SDK1: variants seen among roughly 807,000 people sequenced by gnomAD.
SDK1 encodes sidekick cell adhesion molecule 1.
SDK1 carries 157 observed loss-of-function variants against 245.5 expected under a neutral mutation model. That is an observed-to-expected ratio of 0.64 (90% CI 0.56 to 0.73). The LOEUF (loss-of-function observed/expected upper bound fraction) is 0.73, where lower values mean the gene tolerates loss of function less well. Among genes scored for constraint, SDK1 ranks in the 30% least tolerant of loss-of-function variants. The probability of loss-of-function intolerance (pLI) is 0.00; values close to 1 mark genes in which losing one functional copy is unlikely to be tolerated. For synonymous variants in SDK1, 1,647 were observed against 1,278.5 expected (o/e 1.29, Z -6.15); for missense variants, 3,583 against 3,002.3 (o/e 1.19, Z -4.52).
intron 1 of SDK1, among the ~76,000 whole-genome samples, chr7:3,346,229 C>T (rs535117768): frequency 1.3e-5 from 2 of 152,180 alleles, no homozygotes; most frequent in Admixed American, 1.3e-4. Context: ...ATGTGGGCAC[C>T]AGCGAGAAGA....
chr7:3,579,883 C>G (rs902283865), intron 1 of SDK1, among the ~76,000 whole-genome samples: 16 of 152,188 alleles, frequency 1.1e-4, no homozygotes, highest in Non-Finnish European at 2.1e-4. Flanking sequence ...CCAGAGGTGC[C>G]TTGGGTGAGT....
At chr7:3,655,405 C>A (rs1329513043) in intron 4 of SDK1, among the ~76,000 whole-genome samples, 19 of 138,728 alleles carry the variant, frequency 1.4e-4, no homozygotes, top group Non-Finnish European at 2.7e-4. Context: ...TGCTCTCCAG[C>A]CTGGGCAACA....
intron 38 of SDK1, among the ~76,000 whole-genome samples, chr7:4,210,779 G>A (rs560013437): frequency 6.6e-5 from 10 of 152,218 alleles, no homozygotes; most frequent in East Asian, 1.9e-4. Flanking sequence ...GCTTTCCTGC[G>A]TCCAGGCAGT....
At chr7:3,741,246 C>A (rs1218553740) in intron 4 of SDK1, among the ~76,000 whole-genome samples, 1 of 152,150 alleles carries the variant, frequency 6.6e-6, no homozygotes, top group South Asian at 2.1e-4. Context: ...TTGAGTTTTT[C>A]CAGCCAATTT....
At chr7:3,760,313 A>G (rs997568682) in intron 4 of SDK1, among the ~76,000 whole-genome samples, 1 of 152,186 alleles carries the variant, frequency 6.6e-6, no homozygotes, top group African/African-American at 2.4e-5. Flanking sequence ...GGGTGCACAC[A>G]ATTACCAACC....
intron 1 of SDK1, among the ~76,000 whole-genome samples, chr7:3,592,197 C>T (rs1780898935): frequency 6.6e-6 from 1 of 152,142 alleles, no homozygotes; most frequent in Non-Finnish European, 1.5e-5. Context: ...CTCCTCAAGT[C>T]ATTATAAGAA....
At chr7:4,237,553 C>T (rs1786248337) in intron 41 of SDK1, 94 bp from the exon 42 acceptor site, 5 of 1,449,728 alleles carry the variant, frequency 3.4e-6, no homozygotes, top group Admixed American at 3.4e-5. Context: ...GAGTTATCTA[C>T]CCCAGCCTTC....
intron 19 of SDK1, among the ~76,000 whole-genome samples, chr7:4,055,686 G>T (rs1329550268): frequency 6.6e-6 from 1 of 151,312 alleles, no homozygotes; most frequent in African/African-American, 2.4e-5. Context: ...AGTGTATTTT[G>T]CTCTCCCTTT....
At chr7:3,674,250 A>G (rs540456008) in intron 4 of SDK1, among the ~76,000 whole-genome samples, 30 of 152,296 alleles carry the variant, frequency 2.0e-4, no homozygotes, top group Non-Finnish European at 4.0e-4. Context: ...ACGACATGAG[A>G]TTCAGTGTTA....
At chr7:3,627,196 T>G (rs1165889720) in intron 2 of SDK1, among the ~76,000 whole-genome samples, 1 of 152,164 alleles carries the variant, frequency 6.6e-6, no homozygotes, top group South Asian at 2.1e-4. Flanking sequence ...CCCCAAGTGC[T>G]GAGATTACAG....
chr7:3,775,370 C>T (rs956117856), intron 4 of SDK1, among the ~76,000 whole-genome samples: 6 of 152,016 alleles, frequency 3.9e-5, no homozygotes, highest in Admixed American at 2.0e-4. Context: ...TTACCTGTAG[C>T]AGATTGTGGC....
At chr7:3,935,866 A>G (rs1780142019) in intron 5 of SDK1, among the ~76,000 whole-genome samples, 1 of 152,232 alleles carries the variant, frequency 6.6e-6, no homozygotes, top group African/African-American at 2.4e-5. Flanking sequence ...AGGTTACCGT[A>G]TGGTCTAGCA....
chr7:3,680,693 A>G (rs750351818), intron 4 of SDK1, among the ~76,000 whole-genome samples: 1 of 152,160 alleles, frequency 6.6e-6, no homozygotes, highest in Non-Finnish European at 1.5e-5. Context: ...TCAAGTAACT[A>G]TTTGCATATG....
chr7:4,063,716 A>G (rs7790918), intron 19 of SDK1, among the ~76,000 whole-genome samples: 36,806 of 152,018 alleles, frequency 0.24, 6,641 homozygotes, highest in African/African-American at 0.52. Flanking sequence ...TATCTTTGAA[A>G]TATATGACAA....
At chr7:3,644,955 G>C (rs1782782654) in intron 4 of SDK1, among the ~76,000 whole-genome samples, 1 of 151,114 alleles carries the variant, frequency 6.6e-6, no homozygotes. Flanking sequence ...GATTGAATTA[G>C]GCTTTCCTCT....
intron 22 of SDK1, among the ~76,000 whole-genome samples, chr7:4,107,223 G>A (rs535380024): frequency 2.6e-5 from 4 of 151,962 alleles, no homozygotes; most frequent in Non-Finnish European, 4.4e-5. Context: ...GTGAATGAGC[G>A]TCCGCAGTGC....
At chr7:3,965,218 CCCCCAGGT>C (rs1781998239) in intron 9 of SDK1, among the ~76,000 whole-genome samples, 1 of 152,080 alleles carries the variant, frequency 6.6e-6, no homozygotes, top group Admixed American at 6.6e-5. Flanking sequence ...CTGAATTTGG[CCCCCAGGT>C]TGTAGTTTGC....
At chr7:3,318,527 A>G (rs1422893682) in intron 1 of SDK1, among the ~76,000 whole-genome samples, 1 of 152,166 alleles carries the variant, frequency 6.6e-6, no homozygotes, top group African/African-American at 2.4e-5. Flanking sequence ...TGAACCCCTA[A>G]TGTGTTTCTC....
chr7:3,367,856 C>T (rs1340891237), intron 1 of SDK1, among the ~76,000 whole-genome samples: 1 of 152,146 alleles, frequency 6.6e-6, no homozygotes, highest in African/African-American at 2.4e-5. Flanking sequence ...GCTATTATAA[C>T]AAAATTGCAG....
Sources: allele counts gnomAD v4.1 joint callset (sites outside exome capture counted in the v4.1 genomes callset), GRCh38; gene constraint gnomAD v4.1.1; transcripts MANE v1.5; gene names NCBI Gene and HGNC (gene_info 2026-07-23, HGNC 2026-07-21).